Variants in KIF25 observed in about 807,000 individuals in gnomAD.
The protein encoded by KIF25 is kinesin-like protein KIF25.
Under a neutral mutation model 32.9 loss-of-function variants are expected in KIF25, and 19 were observed. That is an observed-to-expected ratio of 0.58 (90% CI 0.40 to 0.85). The LOEUF is 0.85. Among genes scored for constraint, KIF25 ranks in the 40% least tolerant of loss-of-function variants. The probability of loss-of-function intolerance (pLI) is 0.00; values close to 1 mark genes in which losing one functional copy is unlikely to be tolerated. For synonymous variants in KIF25, 225 were observed against 213.7 expected (o/e 1.05, Z -0.46); for missense variants, 485 against 507.0 (o/e 0.96, Z 0.42).
intron 7 of KIF25, among the ~76,000 whole-genome samples, chr6:168,033,084 T>G (rs1325125672): frequency 6.6e-6 from 1 of 152,310 alleles, no homozygotes; most frequent in East Asian, 1.9e-4. Flanking sequence ...GTTAGCTAAT[T>G]GAGAGTCTTG....
intron 4 of KIF25, among the ~76,000 whole-genome samples, chr6:168,012,514 T>C (rs1478403813): frequency 6.6e-6 from 1 of 152,170 alleles, no homozygotes. Flanking sequence ...AGGCTATATC[T>C]CGGGTTCGGG....
intron 4 of KIF25, among the ~76,000 whole-genome samples, chr6:168,014,731 A>G (rs1315208247): frequency 1.3e-5 from 2 of 152,342 alleles, no homozygotes; most frequent in East Asian, 3.9e-4. Flanking sequence ...TCTCAGATGG[A>G]GAATCTGGCT....
At chr6:168,027,186 C>T (rs530508721) in intron 5 of KIF25, among the ~76,000 whole-genome samples, 17 of 152,254 alleles carry the variant, frequency 1.1e-4, no homozygotes, top group African/African-American at 3.9e-4. Flanking sequence ...GGGGTGGTGG[C>T]TCACGCCTGT....
At chr6:168,010,006 T>A (rs951108282) in intron 4 of KIF25, among the ~76,000 whole-genome samples, 1 of 152,002 alleles carries the variant, frequency 6.6e-6, no homozygotes, top group African/African-American at 2.4e-5. Context: ...TTGTCTATTT[T>A]AAAAATTAAC....
intron 5 of KIF25, among the ~76,000 whole-genome samples, chr6:168,022,951 T>C (rs1256090882): frequency 2.0e-5 from 3 of 152,184 alleles, no homozygotes; most frequent in Non-Finnish European, 2.9e-5. Flanking sequence ...TCACTTGCGG[T>C]GCAGGTGTGA....
intron 2 of KIF25, among the ~76,000 whole-genome samples, chr6:168,001,497 GA>G (rs1442009862): frequency 1.1e-4 from 16 of 152,374 alleles, no homozygotes; most frequent in African/African-American, 3.8e-4. Flanking sequence ...GAATGCAAAT[GA>G]AATCCCATCA....
chr6:168,010,243 G>GGAAT (rs1798630978), intron 4 of KIF25, among the ~76,000 whole-genome samples: 1 of 151,586 alleles, frequency 6.6e-6, no homozygotes, highest in Non-Finnish European at 1.5e-5. Flanking sequence ...CATAGGTTTT[G>GGAAT]GAATGATATA....
At chr6:168,005,472 A>T (rs1436132111) in intron 4 of KIF25, among the ~76,000 whole-genome samples, 2 of 152,218 alleles carry the variant, frequency 1.3e-5, no homozygotes, top group African/African-American at 4.8e-5. Flanking sequence ...CTGTGCTAAC[A>T]GGTCTGTCTG....
intron 6 of KIF25, among the ~76,000 whole-genome samples, chr6:168,030,204 G>A (rs1034758615): frequency 3.9e-5 from 6 of 152,176 alleles, no homozygotes; most frequent in Non-Finnish European, 5.9e-5. Context: ...TTCCTTTTCA[G>A]AGTGGACATC....
chr6:168,012,089 GT>G (rs1798654804), intron 4 of KIF25, among the ~76,000 whole-genome samples: 1 of 151,908 alleles, frequency 6.6e-6, no homozygotes, highest in Non-Finnish European at 1.5e-5. Flanking sequence ...ATTATGAATT[GT>G]TTTTCTATGT....
At chr6:168,016,916 C>T (rs547331447) in intron 4 of KIF25, among the ~76,000 whole-genome samples, 3 of 152,340 alleles carry the variant, frequency 2.0e-5, no homozygotes, top group South Asian at 4.1e-4. Context: ...GCTGGCGTTC[C>T]GTCATTGCTT....
intron 4 of KIF25, among the ~76,000 whole-genome samples, chr6:168,004,498 A>G (rs1273450785): frequency 2.0e-5 from 3 of 152,246 alleles, no homozygotes; most frequent in African/African-American, 7.2e-5. Flanking sequence ...AAGGGTTGTG[A>G]TGTCCTTCCT....
intron 9 of KIF25, among the ~76,000 whole-genome samples, chr6:168,039,700 G>A (rs988132483): frequency 2.0e-5 from 3 of 152,168 alleles, no homozygotes; most frequent in Non-Finnish European, 2.9e-5. Context: ...CCACTAACAC[G>A]GAGAAATGGG....
intron 4 of KIF25, among the ~76,000 whole-genome samples, chr6:168,014,672 A>G (rs1157644785): frequency 6.6e-6 from 1 of 152,230 alleles, no homozygotes; most frequent in Non-Finnish European, 1.5e-5. Flanking sequence ...TCCATTTGCA[A>G]TCTAACTCAG....
At chr6:168,019,334 T>C (rs556727918) in intron 5 of KIF25, among the ~76,000 whole-genome samples, 6 of 152,122 alleles carry the variant, frequency 3.9e-5, no homozygotes, top group Admixed American at 3.3e-4. Context: ...ACACAAATGA[T>C]AGAATTAGTA....
chr6:168,025,739 C>T (rs1270731884), intron 5 of KIF25, among the ~76,000 whole-genome samples: 1 of 152,190 alleles, frequency 6.6e-6, no homozygotes, highest in Non-Finnish European at 1.5e-5. Flanking sequence ...CCTTCGGGTG[C>T]TTAGCACAGA....
intron 7 of KIF25, among the ~76,000 whole-genome samples, chr6:168,033,074 G>A (rs1197862491): frequency 6.6e-6 from 1 of 152,198 alleles, no homozygotes; most frequent in Non-Finnish European, 1.5e-5. Flanking sequence ...ATAAGCTGCA[G>A]TTAGCTAATT....
intron 8 of KIF25, among the ~76,000 whole-genome samples, chr6:168,037,542 AGTTT>A (rs1799041213): frequency 6.6e-6 from 1 of 152,120 alleles, no homozygotes; most frequent in Non-Finnish European, 1.5e-5. Context: ...TTGGAAGGGG[AGTTT>A]TGTCAGAGAC....
chr6:168,003,352 G>A lies in KIF25; in HGVS notation c.-252-262G>A, dbSNP rs1428107035. ...AAAATAAAAAGCATAAGGTCCAAAAGGACGAGTGGAGTTTTAGAAAAGGAT... is the reference window on the plus strand; with the variant it reads ...AAAATAAAAAGCATAAGGTCCAAAAAGACGAGTGGAGTTTTAGAAAAGGAT... On this transcript the variant is annotated intron_variant, in intron 3 of 12. Transcript: ENST00000643607. Among the ~76,000 whole-genome samples, 5 of 152,278 alleles carry A rather than the reference G, an allele frequency of 3.3e-5. No individual in the cohort carries two copies. In the East Asian group the frequency reaches 9.6e-4, roughly 29 times the overall value.
Sources: gnomAD v4.1 joint callset for allele counts (sites outside exome capture counted in the v4.1 genomes callset) on GRCh38, gnomAD v4.1.1 for gene constraint, MANE v1.5 for transcripts, NCBI Gene and HGNC (gene_info 2026-07-23, HGNC 2026-07-21) for gene names.